Variants in CTNND2 observed in about 807,000 individuals in gnomAD.
CTNND2 encodes the protein catenin delta-2.
A neutral mutation model predicts 144.4 loss-of-function variants in CTNND2; 22 were observed. That is an observed-to-expected ratio of 0.15 (90% CI 0.11 to 0.22). The LOEUF is 0.22. CTNND2 is among the 10% of genes least tolerant of loss of function. The pLI, the probability that CTNND2 is intolerant of heterozygous loss-of-function variation, is 1.00. For missense variants in CTNND2, 1,353 were observed against 1,618.8 expected, an observed-to-expected ratio of 0.84 and a Z score of 2.82; for synonymous variants, 751 against 695.6, an observed-to-expected ratio of 1.08 and a Z score of -1.25.
intron 3 of CTNND2, among the ~76,000 whole-genome samples, chr5:11,414,335 G>T (rs541147104): frequency 2.0e-5 from 3 of 152,084 alleles, no homozygotes; most frequent in Non-Finnish European, 4.4e-5. Context: ...TTATGACAGC[G>T]CCAGGAAACA....
chr5:11,491,474 G>A (rs777103942), intron 3 of CTNND2, among the ~76,000 whole-genome samples: 2 of 152,176 alleles, frequency 1.3e-5, no homozygotes, highest in African/African-American at 2.4e-5. Context: ...CATGTGTCGA[G>A]AAGTTAAATA....
chr5:11,008,636 T>G (rs940004821), intron 18 of CTNND2, among the ~76,000 whole-genome samples: 6 of 152,200 alleles, frequency 3.9e-5, no homozygotes, highest in African/African-American at 1.4e-4. Flanking sequence ...AGATGCCCCC[T>G]TGCCCCACTT....
At chr5:11,149,016 T>G (rs1244717913) in intron 12 of CTNND2, among the ~76,000 whole-genome samples, 2 of 152,218 alleles carry the variant, frequency 1.3e-5, no homozygotes, top group African/African-American at 4.8e-5. Flanking sequence ...GTAAAGTTCC[T>G]TTGTGTTCTA....
At chr5:11,527,512 G>A (rs939052020) in intron 3 of CTNND2, among the ~76,000 whole-genome samples, 6 of 152,064 alleles carry the variant, frequency 3.9e-5, no homozygotes, top group African/African-American at 1.4e-4. Flanking sequence ...CAGGCTCGAG[G>A]TCTCCCCACC....
At position 11,847,126 on chromosome 5, in the gene CTNND2, TTTTATATATATATATATA is replaced by T. The variant is rs1470812163; in HGVS notation, c.37+56673_37+56690del. On this transcript the variant is annotated intron_variant, in intron 1 of 21. Coordinates refer to ENST00000304623, the MANE Select transcript of CTNND2 (RefSeq NM_001332.4). ...GGAAATAAAATCAGTATGTCAAAGA[TTTTATATATATATATATA>T]TATATATATATATATATATATATAT... 6.2e-3 allele frequency among the ~76,000 whole-genome samples: 650 copies of T among 105,472 alleles called. 17 individuals are homozygous for T. Among genetic ancestry groups the T allele is most frequent in the African/African-American group, 0.019 (620 of 31,838 alleles). 69.2% of individuals were successfully genotyped at this position (105,472 alleles called of 152,430 possible).
At chr5:11,652,958 A>T (rs1408031012) in intron 2 of CTNND2, among the ~76,000 whole-genome samples, 1 of 152,088 alleles carries the variant, frequency 6.6e-6, no homozygotes, top group East Asian at 1.9e-4. Flanking sequence ...TATAAAAGAG[A>T]TCATGCAGCA....
chr5:11,726,551 T>C (rs1398411588), intron 2 of CTNND2, among the ~76,000 whole-genome samples: 3 of 152,202 alleles, frequency 2.0e-5, no homozygotes. Context: ...GAATTACGCC[T>C]TTATAGTGGA....
intron 2 of CTNND2, among the ~76,000 whole-genome samples, chr5:11,596,253 T>G (rs1284629920): frequency 1.3e-5 from 2 of 152,230 alleles, no homozygotes; most frequent in Non-Finnish European, 2.9e-5. Context: ...CACCCAGCAT[T>G]AAGAGTGGCA....
chr5:11,396,116 A>G (rs572488938), intron 6 of CTNND2, among the ~76,000 whole-genome samples: 26 of 152,314 alleles, frequency 1.7e-4, no homozygotes, highest in African/African-American at 6.0e-4. Context: ...TGCCCAATAA[A>G]TGCAAAAGGG....
intron 7 of CTNND2, among the ~76,000 whole-genome samples, chr5:11,371,805 G>A (rs114419693): frequency 0.012 from 1,880 of 152,158 alleles, 35 homozygotes; most frequent in African/African-American, 0.044. Context: ...AGATTGAGTC[G>A]TATTTCAGAC....
intron 7 of CTNND2, among the ~76,000 whole-genome samples, chr5:11,368,400 T>C (rs986283834): frequency 1.3e-5 from 2 of 152,108 alleles, no homozygotes; most frequent in East Asian, 3.9e-4. Flanking sequence ...GCTGTGGGGT[T>C]GGTGTTGGGG....
chr5:10,977,808 G>C (rs1736685064), intron 21 of CTNND2, among the ~76,000 whole-genome samples: 1 of 152,196 alleles, frequency 6.6e-6, no homozygotes, highest in Admixed American at 6.5e-5. Flanking sequence ...TCAAACCAAA[G>C]ATCACGAACT....
intron 10 of CTNND2, among the ~76,000 whole-genome samples, chr5:11,230,598 C>G (rs1004140647): frequency 6.6e-6 from 1 of 152,130 alleles, no homozygotes; most frequent in Non-Finnish European, 1.5e-5. Context: ...GGAGGATCCA[C>G]CTCCATCTCA....
At chr5:10,997,727 A>T (rs934983953) in intron 18 of CTNND2, among the ~76,000 whole-genome samples, 1 of 152,168 alleles carries the variant, frequency 6.6e-6, no homozygotes, top group African/African-American at 2.4e-5. Flanking sequence ...GTGCTTTGGG[A>T]TTCCAAGTAG....
chr5:11,097,234 T>C (rs1437008607), intron 15 of CTNND2, among the ~76,000 whole-genome samples: 1 of 152,196 alleles, frequency 6.6e-6, no homozygotes, highest in African/African-American at 2.4e-5. Context: ...AGACATAAGA[T>C]GTAAGTCCTC....
intron 2 of CTNND2, among the ~76,000 whole-genome samples, chr5:11,615,038 C>T (rs1780516370): frequency 6.6e-6 from 1 of 152,114 alleles, no homozygotes; most frequent in Non-Finnish European, 1.5e-5. Flanking sequence ...ATTCAAACTA[C>T]TTATGTTTCA....
chr5:11,328,736 G>A (rs886197624), intron 9 of CTNND2, among the ~76,000 whole-genome samples: 1 of 152,208 alleles, frequency 6.6e-6, no homozygotes. Context: ...TACACGTGCA[G>A]ATTATTGCGA....
rs957737617 is a variant in CTNND2 at position 11,225,227 on chromosome 5, A to G, written c.1761+11464T>C. 9.2e-5 allele frequency among the ~76,000 whole-genome samples: 14 copies of G among 152,336 alleles called. 1 individual carries two copies. Among genetic ancestry groups the G allele is most frequent in the Admixed American group, 4.6e-4 (7 of 15,308 alleles). ...GCGACCACCAGTAAACTATGGACGC[A>G]TGTTCTAAGTCAGCCACCTCTACCA... On this transcript the variant is annotated intron_variant, in intron 10 of 21. Coordinates refer to ENST00000304623, the MANE Select transcript of CTNND2 (RefSeq NM_001332.4).
chr5:11,650,589 T>C (rs553726884), intron 2 of CTNND2, among the ~76,000 whole-genome samples: 28 of 152,300 alleles, frequency 1.8e-4, no homozygotes, highest in African/African-American at 6.3e-4. Context: ...TGTTATATTG[T>C]TGTGACCAAA....
Sources: allele counts gnomAD v4.1 joint callset (sites outside exome capture counted in the v4.1 genomes callset), GRCh38; gene constraint gnomAD v4.1.1; transcripts MANE v1.5; gene names NCBI Gene and HGNC (gene_info 2026-07-23, HGNC 2026-07-21).